VEGFC: variants seen among roughly 807,000 people sequenced by gnomAD.
VEGFC encodes the protein FLT4 ligand DHM.
A neutral mutation model predicts 46.1 loss-of-function variants in VEGFC; 12 were observed. That is an observed-to-expected ratio of 0.26 (90% confidence interval 0.17 to 0.42). VEGFC has a LOEUF of 0.42. Ranked by LOEUF, VEGFC falls within the 10% of genes least tolerant of loss-of-function variation. The pLI, the probability that VEGFC is intolerant of heterozygous loss-of-function variation, is 1.00. For synonymous variants in VEGFC, 232 were observed against 195.5 expected (o/e 1.19, Z -1.56); for missense variants, 488 against 529.4 (o/e 0.92, Z 0.77).
At chr4:176,761,835 A>G (rs577240491) in intron 1 of VEGFC, among the ~76,000 whole-genome samples, 1 of 152,368 alleles carries the variant, frequency 6.6e-6, no homozygotes, top group South Asian at 2.1e-4. Context: ...AGACGAAGGC[A>G]TGGAATACAA....
intron 4 of VEGFC, among the ~76,000 whole-genome samples, chr4:176,697,900 C>G (rs1441330502): frequency 6.6e-6 from 1 of 151,014 alleles, no homozygotes. Context: ...AAACCAAACA[C>G]CGCATATTCT....
chr4:176,715,742 T>C (rs1270137992), intron 3 of VEGFC, among the ~76,000 whole-genome samples: 2 of 152,178 alleles, frequency 1.3e-5, no homozygotes, highest in African/African-American at 4.8e-5. Flanking sequence ...TTTTCCTAGA[T>C]AGTATGTGCT....
At position 176,790,761 on chromosome 4, in the gene VEGFC, A is replaced by G. The variant is rs933208437; in HGVS notation, c.147+1404T>C. On this transcript the variant is annotated intron_variant, in intron 1 of 6. Coordinates refer to ENST00000618562, the MANE Select transcript of VEGFC (RefSeq NM_005429.5). ...GCAGAAATAGCAAATAGGTACTGCA[A>G]AATCAAGGACTCAAATTATCAGAAG... 3.3e-5 allele frequency among the ~76,000 whole-genome samples: 5 copies of G among 152,244 alleles called. No homozygotes were observed. In the South Asian group the frequency reaches 1.0e-3, roughly 31 times the overall value.
chr4:176,731,688 C>A (rs1734967895), intron 1 of VEGFC, among the ~76,000 whole-genome samples: 1 of 151,886 alleles, frequency 6.6e-6, no homozygotes, highest in African/African-American at 2.4e-5. Flanking sequence ...CTGATCACAT[C>A]TATTTCCAGA....
chr4:176,700,472 A>G (rs1734408462), intron 4 of VEGFC, among the ~76,000 whole-genome samples: 3 of 152,266 alleles, frequency 2.0e-5, no homozygotes, highest in Admixed American at 1.3e-4. Context: ...AGTATAAACT[A>G]AGCAGTAATC....
At chr4:176,730,495 G>A (rs985561446) in intron 1 of VEGFC, among the ~76,000 whole-genome samples, 1 of 152,024 alleles carries the variant, frequency 6.6e-6, no homozygotes, top group Non-Finnish European at 1.5e-5. Flanking sequence ...TAGGAAAAAG[G>A]AAACTTGTAT....
chr4:176,784,227 C>T (rs1735963043), intron 1 of VEGFC, among the ~76,000 whole-genome samples: 1 of 151,804 alleles, frequency 6.6e-6, no homozygotes, highest in East Asian at 2.0e-4. Flanking sequence ...TGTCACCATG[C>T]CCAGTTAATT....
At chr4:176,722,657 C>T (rs1431771104) in intron 3 of VEGFC, among the ~76,000 whole-genome samples, 1 of 151,930 alleles carries the variant, frequency 6.6e-6, no homozygotes, top group Non-Finnish European at 1.5e-5. Flanking sequence ...CAACACCATG[C>T]CTGGCTAATT....
At chr4:176,775,783 A>G (rs1263140816) in intron 1 of VEGFC, among the ~76,000 whole-genome samples, 1 of 152,186 alleles carries the variant, frequency 6.6e-6, no homozygotes, top group Non-Finnish European at 1.5e-5. Flanking sequence ...TTTTACTATC[A>G]GTTCTGAGAC....
chr4:176,759,217 A>C (rs1283322769), intron 1 of VEGFC, among the ~76,000 whole-genome samples: 1 of 152,138 alleles, frequency 6.6e-6, no homozygotes, highest in Non-Finnish European at 1.5e-5. Context: ...GACTTCTTAG[A>C]CCTGCCAATT....
intron 1 of VEGFC, among the ~76,000 whole-genome samples, chr4:176,753,366 GC>G (rs1318212209): frequency 3.3e-5 from 5 of 151,990 alleles, no homozygotes; most frequent in Admixed American, 3.3e-4. Flanking sequence ...AATTCCTCAC[GC>G]ATGAGTCCAT....
At chr4:176,758,466 G>T (rs1049555118) in intron 1 of VEGFC, among the ~76,000 whole-genome samples, 2 of 152,036 alleles carry the variant, frequency 1.3e-5, no homozygotes, top group Non-Finnish European at 2.9e-5. Flanking sequence ...CCAGAGCTAG[G>T]ACATGCACAT....
At chr4:176,725,730 C>T (rs1734863822) in intron 3 of VEGFC, among the ~76,000 whole-genome samples, 1 of 151,922 alleles carries the variant, frequency 6.6e-6, no homozygotes. Context: ...TATTTCAATT[C>T]CTAAATCATC....
At chr4:176,720,482 A>C (rs1734767182) in intron 3 of VEGFC, among the ~76,000 whole-genome samples, 1 of 152,136 alleles carries the variant, frequency 6.6e-6, no homozygotes, top group Non-Finnish European at 1.5e-5. Flanking sequence ...GCTATGTGCC[A>C]ACTACTGTGC....
intron 1 of VEGFC, among the ~76,000 whole-genome samples, chr4:176,741,793 T>A (rs2110879854): frequency 6.6e-6 from 1 of 152,118 alleles, no homozygotes; most frequent in East Asian, 1.9e-4. Flanking sequence ...TTTCTTGACA[T>A]GTAACCAGAT....
At chr4:176,742,620 T>C (rs557431659) in intron 1 of VEGFC, among the ~76,000 whole-genome samples, 48 of 152,170 alleles carry the variant, frequency 3.2e-4, no homozygotes, top group Admixed American at 6.6e-4. Context: ...TCATTCTGAT[T>C]CTCAGCTTTC....
At chr4:176,732,853 C>T (rs1369377326) in intron 1 of VEGFC, among the ~76,000 whole-genome samples, 1 of 151,670 alleles carries the variant, frequency 6.6e-6, no homozygotes, top group Non-Finnish European at 1.5e-5. Flanking sequence ...TCGAAATATT[C>T]TGCTTTCCAT....
chr4:176,757,291 C>T (rs1422804875), intron 1 of VEGFC, among the ~76,000 whole-genome samples: 1 of 151,952 alleles, frequency 6.6e-6, no homozygotes, highest in Non-Finnish European at 1.5e-5. Flanking sequence ...ATTTCAATTA[C>T]ATGCCAATTG....
chr4:176,687,936 G>GA lies in VEGFC; in HGVS notation c.705-10dup. On this transcript the variant is annotated splice_polypyrimidine_tract_variant and intron_variant, in intron 4 of 6. Transcript: ENST00000618562. ...TGTTCGCTGCCTGACACCTTTGGAA[G>GA]AAACAGACGAGGTTTAGCAATGGTG... is the stretch of plus-strand genomic sequence containing the variant. 1 of 1,579,280 alleles carries GA rather than the reference G, an allele frequency of 6.3e-7. No homozygotes were observed. Among genetic ancestry groups the GA allele is most frequent in the Non-Finnish European group, 8.7e-7 (1 of 1,151,730 alleles).
Sources: allele counts gnomAD v4.1 joint callset (sites outside exome capture counted in the v4.1 genomes callset), GRCh38; gene constraint gnomAD v4.1.1; transcripts MANE v1.5; gene names NCBI Gene and HGNC (gene_info 2026-07-23, HGNC 2026-07-21).